The following PPIP5K2 variants were observed in gnomAD, a reference collection of about 807,000 sequenced individuals.
PPIP5K2 encodes diphosphoinositol pentakisphosphate kinase 2.
PPIP5K2 carries 105 observed loss-of-function variants against 154.6 expected under a neutral mutation model. That is an observed-to-expected ratio of 0.68 (90% CI 0.58 to 0.80). The LOEUF is 0.80. PPIP5K2 is among the 30% of genes least tolerant of loss of function. The pLI is 0.00. For missense variants in PPIP5K2, 992 were observed against 1,504.6 expected (o/e 0.66, Z 5.64); for synonymous variants, 480 against 490.3 (o/e 0.98, Z 0.28).
intron 16 of PPIP5K2, 111 bp downstream of exon 16, chr5:103,158,684 G>A (rs1369829511): frequency 3.4e-6 from 3 of 871,136 alleles, no homozygotes; most frequent in East Asian, 2.8e-5. Context: ...CACTTTGGGA[G>A]GCTGAGGTGG....
chr5:103,168,709 T>C (rs782809557), intron 19 of PPIP5K2, among the ~76,000 whole-genome samples: 1 of 151,802 alleles, frequency 6.6e-6, no homozygotes, highest in Non-Finnish European at 1.5e-5. Flanking sequence ...TGCATTAGGG[T>C]TCACTCTTGG....
At chr5:103,169,353 A>G (rs1220855682) in intron 19 of PPIP5K2, among the ~76,000 whole-genome samples, 1 of 151,742 alleles carries the variant, frequency 6.6e-6, no homozygotes, top group Admixed American at 6.6e-5. Context: ...GGAAAATATT[A>G]AATACATGAA....
intron 19 of PPIP5K2, among the ~76,000 whole-genome samples, chr5:103,170,833 G>A (rs1000093244): frequency 6.0e-5 from 9 of 151,056 alleles, no homozygotes; most frequent in Non-Finnish European, 8.9e-5. Flanking sequence ...GGTTTGTAAT[G>A]GAAAAAAATA....
At chr5:103,128,574 G>C (rs1347450349) in intron 1 of PPIP5K2, among the ~76,000 whole-genome samples, 1 of 152,084 alleles carries the variant, frequency 6.6e-6, no homozygotes, top group African/African-American at 2.4e-5. Context: ...GTCCAGCTAT[G>C]ATAGTTCTTT....
intron 19 of PPIP5K2, among the ~76,000 whole-genome samples, chr5:103,169,615 T>C (rs1393994350): frequency 2.0e-5 from 3 of 151,628 alleles, no homozygotes; most frequent in Non-Finnish European, 4.4e-5. Context: ...TATAGACAAT[T>C]TTAGGTATAT....
chr5:103,162,854 A>G (rs1169697059), intron 17 of PPIP5K2, among the ~76,000 whole-genome samples: 1 of 152,080 alleles, frequency 6.6e-6, no homozygotes, highest in Non-Finnish European at 1.5e-5. Flanking sequence ...GATAAAATTG[A>G]CTTTTGTGTG....
At chr5:103,134,973 T>C (rs1342876222) in intron 3 of PPIP5K2, among the ~76,000 whole-genome samples, 2 of 152,210 alleles carry the variant, frequency 1.3e-5, no homozygotes, top group Non-Finnish European at 2.9e-5. Context: ...GCCACAGCTT[T>C]TTGTTTTAAT....
At chr5:103,171,872 T>G (rs781830946) in intron 19 of PPIP5K2, among the ~76,000 whole-genome samples, 2 of 151,640 alleles carry the variant, frequency 1.3e-5, no homozygotes, top group Admixed American at 6.6e-5. Context: ...CATAAAGAAC[T>G]TCTTTCCATG....
rs145744990 is a variant in PPIP5K2 at position 103,184,688 on chromosome 5, C to T, written c.3113C>T (p.Ala1038Val). The change falls in exon 26 of 31, where the codon GCT becomes GTT. Residue 1038 changes from alanine (A) to valine (V), a missense_variant. This residue lies in a region of PPIP5K2 where 204 missense variants were observed against 224.0 expected (regional missense o/e 0.91). Coordinates refer to ENST00000358359, the MANE Select transcript of PPIP5K2 (RefSeq NM_001276277.3). ...GSWQQVVSEN[A>V]NYLRTPRTLV... Reference sequence around the variant, plus strand: ...CTTATGCAGGTTGTATCTGAAAATGCTAATTACCTGAGAACACCAAGAACT... The same window carrying T: ...CTTATGCAGGTTGTATCTGAAAATGTTAATTACCTGAGAACACCAAGAACT... The T allele has an allele frequency of 7.4e-5, 120 of 1,611,810 alleles. No individual in the cohort carries two copies. The African/African-American group carries it at 1.5e-3, about 20-fold the overall frequency.
At chr5:103,200,608 T>TA (rs1554229949) in intron 30 of PPIP5K2, among the ~76,000 whole-genome samples, 11 of 148,914 alleles carry the variant, frequency 7.4e-5, no homozygotes, top group African/African-American at 2.1e-4. Flanking sequence ...CTAGAATGGT[T>TA]TTTTATTTTA....
chr5:103,140,833 T>C (rs1249984801), intron 5 of PPIP5K2, among the ~76,000 whole-genome samples: 3 of 105,290 alleles, frequency 2.8e-5, no homozygotes, highest in African/African-American at 1.3e-4. Context: ...CGAGACTCCG[T>C]CTCAAAAAAA....
At chr5:103,167,529 T>C (rs1797315209) in intron 18 of PPIP5K2, among the ~76,000 whole-genome samples, 1 of 152,012 alleles carries the variant, frequency 6.6e-6, no homozygotes, top group Admixed American at 6.6e-5. Context: ...TAAAATATTC[T>C]CATTTGATTA....
chr5:103,172,450 G>T (rs112549609), intron 19 of PPIP5K2, among the ~76,000 whole-genome samples: 4 of 150,942 alleles, frequency 2.7e-5, no homozygotes, highest in Non-Finnish European at 4.4e-5. Context: ...GAGAGAGAAG[G>T]TATATGTGTT....
intron 19 of PPIP5K2, 63 bp downstream of exon 19, chr5:103,168,358 G>A: frequency 7.6e-7 from 1 of 1,315,084 alleles, no homozygotes; most frequent in Non-Finnish European, 1.1e-6. Flanking sequence ...AATGTCTGTT[G>A]GTGGATAAAA....
rs1803678119 is a variant in PPIP5K2, at chr5:103,209,296, ATC to A, written c.*7664_*7665del. 6.6e-6 allele frequency: 1 copy of A among 152,094 alleles called. No individual in the cohort carries two copies. Among genetic ancestry groups the A allele is most frequent in the Non-Finnish European group, 1.5e-5 (1 of 67,992 alleles). 9.4% of individuals were successfully genotyped at this position (152,094 alleles called of 1,614,324 possible). A position where few individuals can be genotyped will look rare whatever the true frequency, so the allele number is the denominator to read the frequency against. On this transcript the variant is annotated 3_prime_UTR_variant, in exon 31 of 31. Coordinates refer to ENST00000358359, the MANE Select transcript of PPIP5K2 (RefSeq NM_001276277.3). ...CAGGGCAACAGCCTGCCTAGTAACA[ATC>A]TAACAGACACCCCCCAAAAACCAAA...
Position 103,190,823 on chromosome 5 carries a change from TGG to T in PPIP5K2, c.3353-18_3353-17del, listed in dbSNP as rs1554226665. 6.4e-7 allele frequency: 1 copy of T among 1,556,014 alleles called. No homozygotes were observed. ...ATATCCATCTTTTATTTTTTGTTTT[TGG>T]TTTTTTTCTCTTCTAGGCTTTGAAT... On this transcript the variant is annotated splice_polypyrimidine_tract_variant and intron_variant, in intron 28 of 30. Coordinates refer to ENST00000358359, the MANE Select transcript of PPIP5K2 (RefSeq NM_001276277.3).
At position 103,190,890 on chromosome 5, in the gene PPIP5K2, T is replaced by A; in HGVS notation, c.3401T>A (p.Leu1134His). Residue 1134 changes from leucine to histidine, a missense_variant, in exon 29 of 31, where the codon CTT becomes CAT. This residue lies in a region of PPIP5K2 where 29 missense variants were observed against 56.4 expected (regional missense o/e 0.51). Transcript: ENST00000358359. ...MVPSICPLETLHNALSLKQVD... is the reference protein window; with the variant it reads ...MVPSICPLETHHNALSLKQVD... ...CCATCTATTTGTCCTCTAGAAACTCTTCATAATGCCCTATCTTTAAAGCAA... is the reference window on the plus strand; with the variant it reads ...CCATCTATTTGTCCTCTAGAAACTCATCATAATGCCCTATCTTTAAAGCAA... 1 of 1,610,236 alleles carries A rather than the reference T, an allele frequency of 6.2e-7. No individual in the cohort carries two copies. Among genetic ancestry groups the A allele is most frequent in the Non-Finnish European group, 8.5e-7 (1 of 1,177,846 alleles).
chr5:103,148,094 A>G, intron 7 of PPIP5K2, 62 bp downstream of exon 7: 1 of 1,183,050 alleles, frequency 8.5e-7, no homozygotes, highest in South Asian at 1.3e-5. Context: ...TATCAGAAAA[A>G]GTAGTTAATC....
At chr5:103,184,812 C>A in intron 26 of PPIP5K2, 68 bp downstream of exon 26, 4 of 1,257,440 alleles carry the variant, frequency 3.2e-6, no homozygotes, top group South Asian at 1.3e-5. Context: ...ACATGTAAAA[C>A]TCTTTGGTGA....
Sources: allele counts gnomAD v4.1 joint callset (sites outside exome capture counted in the v4.1 genomes callset), GRCh38; gene constraint gnomAD v4.1.1; regional missense constraint gnomAD v4.1.1; transcripts MANE v1.5; gene names NCBI Gene and HGNC (gene_info 2026-07-23, HGNC 2026-07-21).